Variants in LDB2 observed in about 807,000 individuals in gnomAD.
LDB2 encodes the protein LIM domain binding 2, also known as LIM domain-binding protein 2.
Under a neutral mutation model 44.3 loss-of-function variants are expected in LDB2, and 12 were observed. That is an observed-to-expected ratio of 0.27 (90% CI 0.17 to 0.44). LDB2 has a LOEUF of 0.44. Ranked by LOEUF, LDB2 falls within the 20% of genes least tolerant of loss-of-function variation. LDB2 has a pLI of 1.00. For synonymous variants in LDB2, 164 were observed against 174.8 expected (o/e 0.94, Z 0.49); for missense variants, 344 against 473.5 (o/e 0.73, Z 2.54).
rs551949375 is a variant in LDB2 at position 16,852,371 on chromosome 4, A to T, written c.132+45983T>A. On this transcript the variant is annotated intron_variant, in intron 1 of 7. Transcript: ENST00000304523. ...ATACACGAAAAGACAAACAGGATGGATCTTTCTTTTCCCTTCATACACATC... is the reference window on the plus strand; with the variant it reads ...ATACACGAAAAGACAAACAGGATGGTTCTTTCTTTTCCCTTCATACACATC... Among the ~76,000 whole-genome samples, 13 of 152,324 alleles carry T rather than the reference A, an allele frequency of 8.5e-5. No homozygotes were observed. The East Asian group carries it at 2.3e-3, about 27-fold the overall frequency.
At chr4:16,748,417 A>G (rs967542172) in intron 2 of LDB2, among the ~76,000 whole-genome samples, 1 of 152,090 alleles carries the variant, frequency 6.6e-6, no homozygotes, top group African/African-American at 2.4e-5. Context: ...AAATTCAAAT[A>G]CTCCAATATG....
intron 2 of LDB2, among the ~76,000 whole-genome samples, chr4:16,614,081 T>C (rs539049710): frequency 1.5e-3 from 230 of 152,064 alleles, no homozygotes; most frequent in African/African-American, 5.1e-3. Context: ...TACAGACCAA[T>C]GGAGCAGAAC....
chr4:16,583,135 T>C (rs1715388853), intron 5 of LDB2, among the ~76,000 whole-genome samples: 1 of 152,210 alleles, frequency 6.6e-6, no homozygotes, highest in Non-Finnish European at 1.5e-5. Context: ...ATTTCCTGAC[T>C]GCAGGTCTCC....
chr4:16,797,996 C>T (rs1777068055), intron 1 of LDB2, among the ~76,000 whole-genome samples: 1 of 148,032 alleles, frequency 6.8e-6, no homozygotes, highest in South Asian at 2.2e-4. Flanking sequence ...GATCATGCCA[C>T]TGCACTCCAG....
intron 2 of LDB2, among the ~76,000 whole-genome samples, chr4:16,731,526 G>A (rs757490067): frequency 2.0e-5 from 3 of 151,886 alleles, no homozygotes; most frequent in African/African-American, 7.3e-5. Flanking sequence ...CTCTCTCTCC[G>A]CACACATGCA....
chr4:16,864,691 G>A (rs573828676), intron 1 of LDB2, among the ~76,000 whole-genome samples: 6 of 152,286 alleles, frequency 3.9e-5, no homozygotes, highest in Non-Finnish European at 8.8e-5. Flanking sequence ...TTGGGAGGCC[G>A]AGGTGGATGG....
intron 3 of LDB2, among the ~76,000 whole-genome samples, chr4:16,591,169 A>T (rs1304359483): frequency 6.6e-6 from 1 of 152,208 alleles, no homozygotes; most frequent in Admixed American, 6.5e-5. Context: ...ATTATCTAAT[A>T]TATTTGTTTT....
At chr4:16,610,120 G>T (rs1725201680) in intron 2 of LDB2, among the ~76,000 whole-genome samples, 1 of 151,890 alleles carries the variant, frequency 6.6e-6, no homozygotes, top group African/African-American at 2.4e-5. Flanking sequence ...AGAAGAGGGA[G>T]TTGACTATTG....
At chr4:16,720,146 T>C (rs1037822051) in intron 2 of LDB2, among the ~76,000 whole-genome samples, 2 of 152,032 alleles carry the variant, frequency 1.3e-5, no homozygotes, top group African/African-American at 2.4e-5. Flanking sequence ...TTCTAATGTC[T>C]AGTAATTCAA....
At position 16,659,671 on chromosome 4, in the gene LDB2, G is replaced by GTGTGTATATA. The variant is rs1315288524; in HGVS notation, c.236-63797_236-63796insTATATACACA. On this transcript the variant is annotated intron_variant, in intron 2 of 7. Coordinates refer to ENST00000304523, the MANE Select transcript of LDB2 (RefSeq NM_001290.5). ...CACACATATGAGTATATCTATGTGT[G>GTGTGTATATA]TATATATATATATATATATATGTAT... 2.8e-4 allele frequency among the ~76,000 whole-genome samples: 37 copies of GTGTGTATATA among 133,544 alleles called. 1 individual carries two copies. The highest frequency in any genetic ancestry group is 1.0e-3 in the African/African-American group (34 of 33,100). The allele number at this position is 133,544 out of a possible 152,430, so 87.6% of individuals were successfully genotyped here. A position where few individuals can be genotyped will look rare whatever the true frequency, so the allele number is the denominator to read the frequency against.
chr4:16,745,577 T>C (rs1764229930), intron 2 of LDB2, among the ~76,000 whole-genome samples: 1 of 152,138 alleles, frequency 6.6e-6, no homozygotes, highest in Admixed American at 6.5e-5. Context: ...AGGAAATAAA[T>C]CTTTAGATTC....
chr4:16,761,415 C>T (rs1417860123), intron 1 of LDB2, among the ~76,000 whole-genome samples: 2 of 152,184 alleles, frequency 1.3e-5, no homozygotes, highest in Admixed American at 1.3e-4. Flanking sequence ...CTTCTTTGAG[C>T]TCCTTGCCTT....
At chr4:16,576,951 A>G (rs1711884173) in intron 5 of LDB2, among the ~76,000 whole-genome samples, 1 of 152,238 alleles carries the variant, frequency 6.6e-6, no homozygotes, top group South Asian at 2.1e-4. Flanking sequence ...TCAATATGAT[A>G]CATCATATCA....
chr4:16,808,297 T>A (rs1432684239), intron 1 of LDB2, among the ~76,000 whole-genome samples: 1 of 152,204 alleles, frequency 6.6e-6, no homozygotes, highest in Non-Finnish European at 1.5e-5. Flanking sequence ...GATATGATTT[T>A]ATTAGTTTCA....
intron 2 of LDB2, among the ~76,000 whole-genome samples, chr4:16,633,060 G>A (rs1401926227): frequency 6.6e-6 from 1 of 152,148 alleles, no homozygotes; most frequent in Non-Finnish European, 1.5e-5. Context: ...ATGATAGACT[G>A]GATTAAGAAA....
intron 5 of LDB2, among the ~76,000 whole-genome samples, chr4:16,558,791 T>C (rs1484758307): frequency 6.6e-6 from 1 of 151,752 alleles, no homozygotes; most frequent in Admixed American, 6.6e-5. Context: ...AAGGAAAAAA[T>C]GTTAAGGGCA....
intron 2 of LDB2, among the ~76,000 whole-genome samples, chr4:16,706,191 T>G (rs1170370911): frequency 2.0e-5 from 3 of 152,168 alleles, no homozygotes; most frequent in Admixed American, 2.0e-4. Context: ...GTGCAATGGA[T>G]TTAATGTTTA....
At chr4:16,714,243 C>A (rs1381536688) in intron 2 of LDB2, among the ~76,000 whole-genome samples, 2 of 152,170 alleles carry the variant, frequency 1.3e-5, no homozygotes, top group African/African-American at 2.4e-5. Flanking sequence ...TGGAAAGTAG[C>A]ATGTGTTTGC....
intron 2 of LDB2, among the ~76,000 whole-genome samples, chr4:16,705,503 C>T (rs138042624): frequency 1.5e-3 from 221 of 152,230 alleles, no homozygotes; most frequent in Non-Finnish European, 2.6e-3. Context: ...AAGCTGCTAT[C>T]CCAAGGAGAA....
Sources: gnomAD v4.1 joint callset for allele counts (sites outside exome capture counted in the v4.1 genomes callset) on GRCh38, gnomAD v4.1.1 for gene constraint, MANE v1.5 for transcripts, NCBI Gene and HGNC (gene_info 2026-07-23, HGNC 2026-07-21) for gene names.